The following GALNT9 variants were observed in gnomAD, a reference collection of about 807,000 sequenced individuals.
The protein encoded by GALNT9 is GalNAc transferase 9.
A neutral mutation model predicts 63.1 loss-of-function variants in GALNT9; 47 were observed. The observed-to-expected ratio is 0.75, with a 90% CI of 0.59 to 0.95. GALNT9 has a LOEUF of 0.95. Among genes scored for constraint, GALNT9 ranks in the 40% least tolerant of loss-of-function variants. The probability of loss-of-function intolerance (pLI) is 0.00; values close to 1 mark genes in which losing one functional copy is unlikely to be tolerated. For missense variants in GALNT9, 829 were observed against 874.8 expected (o/e 0.95, Z 0.66); for synonymous variants, 396 against 365.7 (o/e 1.08, Z -0.94).
intron 6 of GALNT9, among the ~76,000 whole-genome samples, chr12:132,243,710 A>C (rs1878568852): frequency 6.6e-6 from 1 of 152,012 alleles, no homozygotes; most frequent in Admixed American, 6.6e-5. Context: ...GGGCCACTGA[A>C]CTCCACGTGT....
intron 1 of GALNT9, among the ~76,000 whole-genome samples, chr12:132,303,919 C>A (rs1881438276): frequency 1.9e-5 from 1 of 53,720 alleles, no homozygotes; most frequent in African/African-American, 7.1e-5. Flanking sequence ...CCAGACACAG[C>A]CTCGCCCAGA....
intron 3 of GALNT9, among the ~76,000 whole-genome samples, chr12:132,261,336 A>C (rs1555239767): frequency 6.6e-6 from 1 of 152,204 alleles, no homozygotes; most frequent in African/African-American, 2.4e-5. Context: ...AGACACAGCA[A>C]ATAAGGAAAC....
rs1880239031 is a variant in GALNT9, at chr12:132,279,344, G to C, written c.419+6906C>G. On this transcript the variant is annotated intron_variant, in intron 2 of 10. Transcript: ENST00000328957. This position sits in a 1 kb window ranked among gnomAD's most constrained non-coding sequence, Gnocchi z 4.1. ...TTTTGCTTGCATGGTTGCTGGGACG[G>C]TCCAAAGTCCTCAGTGGGGACGGCT... The C allele has an allele frequency of 6.6e-6, 1 of 152,290 alleles. No homozygotes were observed. 9.4% of individuals were successfully genotyped at this position (152,290 alleles called of 1,614,324 possible). A position where few individuals can be genotyped will look rare whatever the true frequency, so the allele number is the denominator to read the frequency against.
intron 6 of GALNT9, among the ~76,000 whole-genome samples, chr12:132,229,689 G>A (rs1042136733): frequency 1.3e-5 from 2 of 152,246 alleles, no homozygotes; most frequent in South Asian, 4.1e-4. Context: ...GCTTAGCTGG[G>A]AAGCCACCAG....
At chr12:132,258,620 G>A (rs28694479) in intron 4 of GALNT9, among the ~76,000 whole-genome samples, 4 of 152,052 alleles carry the variant, frequency 2.6e-5, no homozygotes, top group African/African-American at 2.4e-5. Flanking sequence ...ACCGAAGCCC[G>A]GGCGTGTGCC....
At position 132,245,933 on chromosome 12, in the gene GALNT9, C is replaced by T. The variant is rs144315311; in HGVS notation, c.1077+1977G>A. ...CCACCCCAGGGGTCCCGTCCTCCCT[C>T]GCTCTTCGGCCTCGGTGGTGGCTGC... is the stretch of plus-strand genomic sequence containing the variant. On this transcript the variant is annotated intron_variant, in intron 6 of 10. Transcript: ENST00000328957. This position sits in a 1 kb window ranked among gnomAD's most constrained non-coding sequence, Gnocchi z 6.3. Among the ~76,000 whole-genome samples the T allele has an allele frequency of 8.5e-5, 13 of 152,342 alleles. No individual in the cohort carries two copies. The highest frequency in any genetic ancestry group is 1.5e-4 in the Non-Finnish European group (10 of 68,030).
intron 2 of GALNT9, among the ~76,000 whole-genome samples, chr12:132,266,335 T>C (rs1879596774): frequency 6.6e-6 from 1 of 152,256 alleles, no homozygotes; most frequent in Non-Finnish European, 1.5e-5. Context: ...CAAACTTCTT[T>C]GCCTACTTGA....
At chr12:132,221,568 G>A (rs1199172867) in intron 6 of GALNT9, among the ~76,000 whole-genome samples, 1 of 145,354 alleles carries the variant, frequency 6.9e-6, no homozygotes, top group Non-Finnish European at 1.5e-5. Context: ...GGCTGAGGCA[G>A]GAGAATTCCT....
At chr12:132,222,660 C>T (rs1191547653) in intron 6 of GALNT9, among the ~76,000 whole-genome samples, 4 of 151,864 alleles carry the variant, frequency 2.6e-5, no homozygotes, top group South Asian at 2.1e-4. Flanking sequence ...AACACAGAGA[C>T]GCCGCAGAGG....
At chr12:132,311,044 C>T (rs1881794845) in intron 1 of GALNT9, among the ~76,000 whole-genome samples, 1 of 152,182 alleles carries the variant, frequency 6.6e-6, no homozygotes, top group Admixed American at 6.5e-5. Context: ...CAACCTGCCT[C>T]CCGCTGAAAA....
chr12:132,304,295 G>A (rs1302226005), intron 1 of GALNT9, among the ~76,000 whole-genome samples: 15 of 77,632 alleles, frequency 1.9e-4, no homozygotes, highest in African/African-American at 3.7e-4. Context: ...ACCCTCGCCC[G>A]GACACACCCT....
Position 132,238,256 on chromosome 12 carries a change from C to T in GALNT9, c.1077+9654G>A, listed in dbSNP as rs1455266736. Among the ~76,000 whole-genome samples, 3 of 152,050 alleles carry T rather than the reference C, an allele frequency of 2.0e-5. No individual in the cohort carries two copies. Among genetic ancestry groups the T allele is most frequent in the Non-Finnish European group, 4.4e-5 (3 of 67,976 alleles). ...TCCCAGAGCCCATGAGGGACACGGC[C>T]GGCTGCTGGGTCCCTCACGGCGGAG... is the stretch of plus-strand genomic sequence containing the variant. On this transcript the variant is annotated intron_variant, in intron 6 of 10. Coordinates refer to ENST00000328957, the MANE Select transcript of GALNT9 (RefSeq NM_001122636.2). The surrounding 1 kb of genome is among the most constrained non-coding windows in gnomAD (Gnocchi z 6.5).
chr12:132,311,328 C>T (rs1555245151), intron 1 of GALNT9, among the ~76,000 whole-genome samples: 1 of 152,144 alleles, frequency 6.6e-6, no homozygotes, highest in African/African-American at 2.4e-5. Flanking sequence ...GGGGACCTGC[C>T]TTCAGGATGT....
intron 1 of GALNT9, among the ~76,000 whole-genome samples, chr12:132,304,393 G>A (rs1444060756): frequency 3.9e-5 from 4 of 102,514 alleles, no homozygotes; most frequent in Admixed American, 9.8e-5. Flanking sequence ...CCTCACCGGG[G>A]CACACCCTCA....
At chr12:132,320,888 C>G (rs2135591264) in intron 1 of GALNT9, among the ~76,000 whole-genome samples, 1 of 152,338 alleles carries the variant, frequency 6.6e-6, no homozygotes, top group East Asian at 1.9e-4. Context: ...GGCATCCCCC[C>G]TTTACAGATA....
intron 6 of GALNT9, among the ~76,000 whole-genome samples, chr12:132,207,154 T>C (rs962933440): frequency 1.3e-5 from 2 of 152,214 alleles, no homozygotes; most frequent in African/African-American, 4.8e-5. Flanking sequence ...GCCGCCGTCC[T>C]TGCCCCATAG....
At chr12:132,270,721 G>C (rs1555240647) in intron 2 of GALNT9, among the ~76,000 whole-genome samples, 1 of 152,178 alleles carries the variant, frequency 6.6e-6, no homozygotes, top group African/African-American at 2.4e-5. Flanking sequence ...CACGGCCACG[G>C]CCACAGCCAC....
At chr12:132,203,742 G>A (rs1289099803) in intron 6 of GALNT9, 52 bp from the exon 7 acceptor site, 1 of 1,566,278 alleles carries the variant, frequency 6.4e-7, no homozygotes, top group Non-Finnish European at 8.6e-7. Flanking sequence ...GAAGCGGGCA[G>A]CCCGGCCAGC....
chr12:132,318,589 G>C (rs1334825200), intron 1 of GALNT9, among the ~76,000 whole-genome samples: 1 of 152,260 alleles, frequency 6.6e-6, no homozygotes, highest in African/African-American at 2.4e-5. Context: ...ACGCAGAGCT[G>C]GTGATTTGCA....
Sources: gnomAD v4.1 joint callset for allele counts (sites outside exome capture counted in the v4.1 genomes callset) on GRCh38, gnomAD v4.1.1 for gene constraint, Gnocchi (gnomAD v3.1) non-coding constraint, MANE v1.5 for transcripts, NCBI Gene and HGNC (gene_info 2026-07-23, HGNC 2026-07-21) for gene names.